Variants in FAM135B observed in about 807,000 individuals in gnomAD.
FAM135B encodes the protein protein FAM135B.
Under a neutral mutation model 127.7 loss-of-function variants are expected in FAM135B, and 43 were observed. That is an observed-to-expected ratio of 0.34 (90% CI 0.26 to 0.43). FAM135B has a LOEUF of 0.43. FAM135B is among the 20% of genes least tolerant of loss of function. The pLI is 1.00. For synonymous variants in FAM135B, 670 were observed against 665.1 expected (o/e 1.01, Z -0.11); for missense variants, 1,558 against 1,725.6 (o/e 0.90, Z 1.72).
chr8:138,224,979 A>C (rs1251717933), intron 7 of FAM135B, among the ~76,000 whole-genome samples: 1 of 152,220 alleles, frequency 6.6e-6, no homozygotes, highest in African/African-American at 2.4e-5. Flanking sequence ...CAAGGATAAC[A>C]AAGTTTCAGT....
chr8:138,217,368 GA>G (rs140371893), intron 7 of FAM135B, among the ~76,000 whole-genome samples: 7,077 of 150,638 alleles, frequency 0.047, 345 homozygotes, highest in African/African-American at 0.12. Context: ...TGTAAGATGG[GA>G]AAAAAATATC....
intron 2 of FAM135B, among the ~76,000 whole-genome samples, chr8:138,337,725 C>T (rs1828716423): frequency 6.6e-6 from 1 of 152,100 alleles, no homozygotes; most frequent in South Asian, 2.1e-4. Flanking sequence ...ATCAAGCTAC[C>T]AATGACTTTC....
chr8:138,186,673 T>C (rs2131045887), intron 9 of FAM135B, among the ~76,000 whole-genome samples: 1 of 152,322 alleles, frequency 6.6e-6, no homozygotes, highest in East Asian at 1.9e-4. Flanking sequence ...ATTTAGTTGC[T>C]TTGTATAAAG....
At chr8:138,458,808 T>C (rs926483437) in intron 1 of FAM135B, among the ~76,000 whole-genome samples, 5 of 152,114 alleles carry the variant, frequency 3.3e-5, no homozygotes, top group Non-Finnish European at 5.9e-5. Flanking sequence ...GATTTAGGAG[T>C]TCATTTAGTT....
intron 19 of FAM135B, among the ~76,000 whole-genome samples, chr8:138,135,268 G>T (rs1386766639): frequency 1.3e-5 from 2 of 152,168 alleles, no homozygotes; most frequent in Non-Finnish European, 2.9e-5. Flanking sequence ...AGACAAGAAA[G>T]TAGGCAAGGA....
At chr8:138,135,464 G>A (rs1382396337) in intron 19 of FAM135B, among the ~76,000 whole-genome samples, 1 of 151,996 alleles carries the variant, frequency 6.6e-6, no homozygotes, top group African/African-American at 2.4e-5. Context: ...ACATAAAAAA[G>A]CATCAATATT....
At chr8:138,495,949 C>G (rs1046555042) in intron 1 of FAM135B, among the ~76,000 whole-genome samples, 2 of 152,028 alleles carry the variant, frequency 1.3e-5, no homozygotes, top group East Asian at 3.9e-4. Context: ...CGATGTGATT[C>G]TTGTTTTGCT....
At chr8:138,180,925 T>G (rs1391627465) in intron 9 of FAM135B, among the ~76,000 whole-genome samples, 1 of 152,078 alleles carries the variant, frequency 6.6e-6, no homozygotes, top group Non-Finnish European at 1.5e-5. Flanking sequence ...CCCATTCCCA[T>G]ACATCATGGT....
chr8:138,338,557 G>C (rs1437566682), intron 2 of FAM135B, among the ~76,000 whole-genome samples: 20 of 151,672 alleles, frequency 1.3e-4, no homozygotes, highest in Non-Finnish European at 2.8e-4. Context: ...AAACCACAAT[G>C]AGATACCATC....
intron 11 of FAM135B, among the ~76,000 whole-genome samples, chr8:138,170,292 G>A (rs892491337): frequency 4.1e-5 from 6 of 146,642 alleles, no homozygotes; most frequent in South Asian, 2.1e-4. Context: ...GCACAATCTC[G>A]GCTCACCGCA....
At chr8:138,439,513 T>G (rs1479748305) in intron 1 of FAM135B, 1 of 152,164 alleles carries the variant, frequency 6.6e-6, no homozygotes, top group Non-Finnish European at 1.5e-5. Flanking sequence ...GAGGAGGACA[T>G]TTCCTAGGGG....
chr8:138,423,451 G>C (rs1834644377), intron 1 of FAM135B, among the ~76,000 whole-genome samples: 1 of 152,130 alleles, frequency 6.6e-6, no homozygotes, highest in Admixed American at 6.5e-5. Flanking sequence ...TTAAAGCTGG[G>C]TGTCTGGGGG....
At chr8:138,265,492 T>C (rs1016992997) in intron 4 of FAM135B, among the ~76,000 whole-genome samples, 1 of 152,120 alleles carries the variant, frequency 6.6e-6, no homozygotes, top group African/African-American at 2.4e-5. Flanking sequence ...TGTTTGCACT[T>C]GAGACTACAT....
At chr8:138,402,237 C>T (rs2139329) in intron 1 of FAM135B, among the ~76,000 whole-genome samples, 70,448 of 151,542 alleles carry the variant, frequency 0.46, 16,767 homozygotes, top group Admixed American at 0.58. Context: ...TTCCCTTGGG[C>T]GTGAAACACA....
In FAM135B at chr8:138,192,496, T is replaced by C. The variant is rs544276018; in HGVS notation, c.873+2762A>G. On this transcript the variant is annotated intron_variant, in intron 9 of 19. Coordinates refer to ENST00000395297, the MANE Select transcript of FAM135B (RefSeq NM_015912.4). The stretch of plus-strand genomic sequence containing the variant: ...ATTCTGACCCTCCTCAAATTGCTTC[T>C]GTGGAATAATATCACTATTGTAAAA... Among the ~76,000 whole-genome samples, 15 of 152,350 alleles carry C rather than the reference T, an allele frequency of 9.8e-5. No individual in the cohort carries two copies. In the South Asian group the frequency reaches 3.1e-3, roughly 32 times the overall value.
chr8:138,453,245 G>C lies in FAM135B; in HGVS notation c.-20+43426C>G, dbSNP rs193182258. 1.2e-3 allele frequency among the ~76,000 whole-genome samples: 182 copies of C among 152,122 alleles called. 1 individual carries two copies. Among genetic ancestry groups the C allele is most frequent in the East Asian group, 0.011 (56 of 5,158 alleles). On this transcript the variant is annotated intron_variant, in intron 1 of 19. Transcript: ENST00000395297. ...TATGGGGACATCAGCTTTTTTCCCC[G>C]CATTCAGAAATCCCACTTGCGAAAA...
intron 9 of FAM135B, among the ~76,000 whole-genome samples, chr8:138,187,855 G>C (rs538500483): frequency 6.6e-6 from 1 of 152,176 alleles, no homozygotes; most frequent in South Asian, 2.1e-4. Context: ...CTTTGAGCCC[G>C]GCCCCGATCT....
chr8:138,138,903 T>C, intron 18 of FAM135B, 83 bp downstream of exon 18: 1 of 896,120 alleles, frequency 1.1e-6, no homozygotes, highest in South Asian at 1.4e-5. Flanking sequence ...AGTGAATCAA[T>C]GTAGCATTAT....
At chr8:138,228,064 C>A (rs1819610472) in intron 7 of FAM135B, among the ~76,000 whole-genome samples, 1 of 152,138 alleles carries the variant, frequency 6.6e-6, no homozygotes, top group African/African-American at 2.4e-5. Context: ...CATGTGACTG[C>A]ATTCTGACCC....
Sources: gnomAD v4.1 joint callset for allele counts (sites outside exome capture counted in the v4.1 genomes callset) on GRCh38, gnomAD v4.1.1 for gene constraint, MANE v1.5 for transcripts, NCBI Gene and HGNC (gene_info 2026-07-23, HGNC 2026-07-21) for gene names.